The following FAT1 variants were observed in gnomAD, a reference collection of about 807,000 sequenced individuals.
FAT1 encodes protocadherin Fat 1.
FAT1 carries 171 observed loss-of-function variants against 329.8 expected under a neutral mutation model. The observed-to-expected ratio is 0.52, with a 90% CI of 0.46 to 0.59. The LOEUF (loss-of-function observed/expected upper bound fraction) is 0.59. Ranked by LOEUF, FAT1 falls within the 20% of genes least tolerant of loss-of-function variation. FAT1 has a pLI of 0.00. For missense variants in FAT1, 5,672 were observed against 5,774.4 expected (o/e 0.98, Z 0.57); for synonymous variants, 2,233 against 2,228.6 (o/e 1.00, Z -0.06).
intron 2 of FAT1, among the ~76,000 whole-genome samples, chr4:186,706,340 G>A (rs1313985061): frequency 6.6e-6 from 1 of 152,122 alleles, no homozygotes; most frequent in East Asian, 1.9e-4. Flanking sequence ...CTCACTTTAC[G>A]CCACTTAAAT....
chr4:186,619,772 T>C lies in FAT1; in HGVS notation c.6814A>G (p.Ile2272Val), dbSNP rs768862563. ...GGGTTATCATTGATGTCGTCTACTA[T>C]GATGTCCACAAATACTTCAGCATGA... ...GAHAEVFVDI[I>V]VDDINDNPPV... The change falls in exon 10 of 27, where the codon ATA (isoleucine) becomes GTA (valine). Residue 2272 changes from isoleucine (I) to valine (V), a missense_variant. Physicochemically the swap from Ile to Val is conservative, Grantham distance 29 (BLOSUM62 3). Transcript: ENST00000441802. 9 of 1,613,914 alleles carry C rather than the reference T, an allele frequency of 5.6e-6. No homozygotes were observed. The highest frequency in any genetic ancestry group is 1.7e-5 in the Admixed American group (1 of 60,006).
chr4:186,606,177 T>G lies in FAT1; in HGVS notation c.10243A>C (p.Asn3415His). 1.9e-6 allele frequency: 3 copies of G among 1,612,232 alleles called. No homozygotes were observed. Among genetic ancestry groups the G allele is most frequent in the Non-Finnish European group, 2.5e-6 (3 of 1,179,494 alleles). The change falls in exon 17 of 27, where the codon AAT (asparagine) becomes CAT (histidine). Residue 3415 changes from asparagine (N) to histidine (H), a missense_variant. Asn to His is a moderately conservative substitution (Grantham distance 68, BLOSUM62 1). Around this residue, in one of 2 missense-constraint regions of FAT1, gnomAD observed 1,706 missense variants for 1,859.1 expected, o/e 0.92. Transcript: ENST00000441802. The stretch of plus-strand genomic sequence containing the variant: ...GTGTTGACTCTGGGTGGACTGCCAT[T>G]ATCAGAAGCTTGAACCGTGAGCGTG... ...GYTLTVQASD[N>H]GSPPRVNTTT...
At chr4:186,698,785 A>G (rs993122726) in intron 2 of FAT1, among the ~76,000 whole-genome samples, 1 of 152,224 alleles carries the variant, frequency 6.6e-6, no homozygotes, top group Non-Finnish European at 1.5e-5. Context: ...ACCCCGTGCG[A>G]TGGGAGACAG....
At position 186,603,887 on chromosome 4, in the gene FAT1, G is replaced by A. The variant is rs1357621447; in HGVS notation, c.10639C>T (p.Pro3547Ser). The A allele has an allele frequency of 6.2e-7, 1 of 1,613,826 alleles. No individual in the cohort carries two copies. Among genetic ancestry groups the A allele is most frequent in the Non-Finnish European group, 8.5e-7 (1 of 1,179,778 alleles). ...GAAGAGGTGATGAAAATCTCCAGGG[G>A]CAAAATCGCAGGCGGATAGATGCTC... is the stretch of plus-strand genomic sequence containing the variant. ...EESIYPPAIL[P>S]LEIFITSSGE... Residue 3547 changes from proline to serine, a missense_variant, in exon 19 of 27, where the codon CCC becomes TCC. Physicochemically the swap from Pro to Ser is moderately conservative, Grantham distance 74 (BLOSUM62 -1). This residue lies in a region of FAT1 where 1,706 missense variants were observed against 1,859.1 expected (regional missense o/e 0.92). Transcript: ENST00000441802.
rs377350329 is a variant in FAT1, at chr4:186,595,751, C to A, written c.13076G>T (p.Arg4359Leu). 6.8e-6 allele frequency: 11 copies of A among 1,613,812 alleles called. No homozygotes were observed. The highest frequency in any genetic ancestry group is 9.3e-6 in the Non-Finnish European group (11 of 1,179,896). ...AGACTGCACTTCAGACAGGCTTTCC[C>A]GGGCACTGTATGGCTGGGAAGGCTT... ...EEKPSQPYSA[R>L]ESLSEVQSLS... The change falls in exon 26 of 27, where the codon CGG (arginine) becomes CTG (leucine). Residue 4359 changes from arginine to leucine, a missense_variant. By Grantham distance (102) the Arg-to-Leu change is moderately radical. This residue lies in a region of FAT1 where 1,706 missense variants were observed against 1,859.1 expected (regional missense o/e 0.92). Transcript: ENST00000441802.
intron 1 of FAT1, among the ~76,000 whole-genome samples, chr4:186,718,512 C>T (rs1329575945): frequency 1.3e-5 from 2 of 151,880 alleles, no homozygotes; most frequent in African/African-American, 4.8e-5. Flanking sequence ...ACTAAAAATA[C>T]AAAAATTAGC....
rs764238533 is a variant in FAT1, at chr4:186,618,690, G to A, written c.7896C>T (p.Thr2632=). 8 of 1,613,914 alleles carry A rather than the reference G, an allele frequency of 5.0e-6. No homozygotes were observed. The highest frequency in any genetic ancestry group is 6.8e-6 in the Non-Finnish European group (8 of 1,179,904). Residue 2632 remains threonine, a synonymous_variant, in exon 10 of 27, where the codon ACC becomes ACT. Transcript: ENST00000441802. ...TTTCAGAGTCTGCTTCAATGGCATA[G>A]GTGATGTCGGCATTGGAGCCCTCAT... ...DADEGSNADI[T]YAIEADSESV...
At chr4:186,712,001 T>C (rs1218866248) in intron 1 of FAT1, among the ~76,000 whole-genome samples, 2 of 151,998 alleles carry the variant, frequency 1.3e-5, no homozygotes, top group South Asian at 2.1e-4. Context: ...CATTATGTTT[T>C]AGGAGACATT....
At chr4:186,627,501 C>T (rs1354209316) in intron 9 of FAT1, among the ~76,000 whole-genome samples, 2 of 152,052 alleles carry the variant, frequency 1.3e-5, no homozygotes, top group Non-Finnish European at 2.9e-5. Context: ...GTCCCGGAAC[C>T]GTCCAGGACC....
intron 5 of FAT1, among the ~76,000 whole-genome samples, 156 bp from the exon 6 acceptor site, chr4:186,636,391 T>G (rs936537153): frequency 6.6e-6 from 1 of 152,184 alleles, no homozygotes; most frequent in Non-Finnish European, 1.5e-5. Flanking sequence ...AGAACAATGA[T>G]TTCATGACCA....
chr4:186,710,792 G>A (rs76140327), intron 1 of FAT1, among the ~76,000 whole-genome samples: 1,859 of 152,218 alleles, frequency 0.012, 41 homozygotes, highest in African/African-American at 0.043. Flanking sequence ...ACACGTCAAG[G>A]GTCAAATCAG....
At chr4:186,640,915 G>A (rs182777321) in intron 3 of FAT1, among the ~76,000 whole-genome samples, 31 of 152,364 alleles carry the variant, frequency 2.0e-4, no homozygotes, top group South Asian at 1.4e-3. Context: ...GGTGGAGCCT[G>A]TGTGGCAGGA....
Position 186,675,624 on chromosome 4 carries a change from C to T in FAT1, c.3266-12011G>A, listed in dbSNP as rs1025547373. Among the ~76,000 whole-genome samples, 4 of 151,826 alleles carry T rather than the reference C, an allele frequency of 2.6e-5. No individual in the cohort carries two copies. The East Asian group carries it at 5.8e-4, about 22-fold the overall frequency. On this transcript the variant is annotated intron_variant, in intron 2 of 26. Transcript: ENST00000441802. ...TCTACTAAAAATACAAAAAATTTGC[C>T]AAGCATGGTGGCACACACCTGTAGC...
chr4:186,669,857 A>C (rs1742648805), intron 2 of FAT1, among the ~76,000 whole-genome samples: 1 of 152,174 alleles, frequency 6.6e-6, no homozygotes, highest in African/African-American at 2.4e-5. Context: ...TTGCTCCAAT[A>C]AACGGTTCAA....
intron 3 of FAT1, among the ~76,000 whole-genome samples, chr4:186,659,472 G>T (rs542014226): frequency 1.3e-5 from 2 of 152,326 alleles, no homozygotes; most frequent in East Asian, 3.9e-4. Flanking sequence ...TTTATCCAAA[G>T]GCACAAGTTT....
Position 186,708,495 on chromosome 4 carries a change from C to T in FAT1, c.1333G>A (p.Ala445Thr), listed in dbSNP as rs946140825. ...ACTTTCACCAAGACCTTGGTGGACG[C>T]TTTTCTGTCACTTGTTGTTACTTCA... ...ELEVTTSDRKASTKVLVKVLG... is the reference protein window; with the variant it reads ...ELEVTTSDRKTSTKVLVKVLG... The change falls in exon 2 of 27, where the codon GCG becomes ACG. Residue 445 changes from alanine (A) to threonine (T), a missense_variant. Transcript: ENST00000441802. The T allele has an allele frequency of 6.2e-7, 1 of 1,613,974 alleles. No individual in the cohort carries two copies. The highest frequency in any genetic ancestry group is 8.5e-7 in the Non-Finnish European group (1 of 1,179,886).
intron 9 of FAT1, among the ~76,000 whole-genome samples, chr4:186,624,578 G>A (rs1210708234): frequency 1.3e-5 from 2 of 152,272 alleles, no homozygotes; most frequent in East Asian, 3.9e-4. Flanking sequence ...GTATGGCACT[G>A]ACATGTCTCC....
chr4:186,618,600 A>C lies in FAT1; in HGVS notation c.7986T>G (p.Ile2662Met). ...AAGTGAAGAATTCATTTTCCAAGCC[A>C]ATGAGGCTCTCCTTTGTAGTGATTA... ...SGVITTKESL[I>M]GLENEFFTFF... Residue 2662 changes from isoleucine (I) to methionine (M), a missense_variant, in exon 10 of 27, where the codon ATT becomes ATG. Physicochemically the swap from Ile to Met is conservative, Grantham distance 10. Around this residue, in one of 2 missense-constraint regions of FAT1, gnomAD observed 3,966 missense variants for 3,915.2 expected, o/e 1.01. Transcript: ENST00000441802. The C allele has an allele frequency of 1.2e-6, 2 of 1,614,068 alleles. No individual in the cohort carries two copies. Among genetic ancestry groups the C allele is most frequent in the Non-Finnish European group, 1.7e-6 (2 of 1,179,906 alleles).
chr4:186,618,101 T>C lies in FAT1; in HGVS notation c.8485A>G (p.Ile2829Val), dbSNP rs758234912. 3.7e-6 allele frequency: 6 copies of C among 1,614,042 alleles called. No homozygotes were observed. The highest frequency in any genetic ancestry group is 1.3e-5 in the African/African-American group (1 of 75,058). ...VENLPGGSRVIQIRASDADSG... is the reference protein window; with the variant it reads ...VENLPGGSRVVQIRASDADSG... ...TCAGCATCAGATGCCCTGATCTGAA[T>C]TACTCTACTTCCCCCTGGCAGGTTT... Residue 2829 changes from isoleucine (I) to valine (V), a missense_variant, in exon 10 of 27, where the codon ATT (isoleucine) becomes GTT (valine). By Grantham distance (29) the Ile-to-Val change is conservative. Around this residue, in one of 2 missense-constraint regions of FAT1, gnomAD observed 3,966 missense variants for 3,915.2 expected, o/e 1.01. Transcript: ENST00000441802.
Sources: gnomAD v4.1 joint callset for allele counts (sites outside exome capture counted in the v4.1 genomes callset) on GRCh38, gnomAD v4.1.1 for gene constraint, gnomAD v4.1.1 regional missense constraint, MANE v1.5 for transcripts, NCBI Gene and HGNC (gene_info 2026-07-23, HGNC 2026-07-21) for gene names.